The following SDCBP2 variants were observed in gnomAD, a reference collection of about 807,000 sequenced individuals.
SDCBP2 encodes syndecan binding protein 2.
SDCBP2 carries 28 observed loss-of-function variants against 30.7 expected under a neutral mutation model. The observed-to-expected ratio is 0.91, with a 90% CI of 0.68 to 1.25. The LOEUF (loss-of-function observed/expected upper bound fraction) is 1.25. Among genes scored for constraint, SDCBP2 ranks in the 50% most tolerant of loss-of-function variants. SDCBP2 has a pLI of 0.00. For missense variants in SDCBP2, 399 were observed against 379.0 expected, an observed-to-expected ratio of 1.05 and a Z score of -0.44; for synonymous variants, 166 against 157.3, an observed-to-expected ratio of 1.06 and a Z score of -0.41.
At chr20:1,312,260 TG>T in intron 7 of SDCBP2, 76 bp downstream of exon 7, 1 of 1,436,068 alleles carries the variant, frequency 7.0e-7, no homozygotes, top group Non-Finnish European at 9.5e-7. Flanking sequence ...GAGGCTCAGG[TG>T]GGGTAAGCAA....
At position 1,318,029 on chromosome 20, in the gene SDCBP2, G is replaced by A. The variant is rs139837552; in HGVS notation, c.225+289C>T. On this transcript the variant is annotated intron_variant, in intron 4 of 8. Coordinates refer to ENST00000360779, the MANE Select transcript of SDCBP2 (RefSeq NM_080489.5). Reference sequence around the variant, plus strand: ...CTGCTTTTGATGTCCCCAGGTTCACGCTGGGCTTAATGACCTCCCTTCTCA... The same window carrying A: ...CTGCTTTTGATGTCCCCAGGTTCACACTGGGCTTAATGACCTCCCTTCTCA... 8.8e-3 allele frequency: 4,026 copies of A among 458,436 alleles called. 35 individuals carry two copies. The highest frequency in any genetic ancestry group is 0.022 in the Middle Eastern group (50 of 2,324). The allele number at this position is 458,436 out of a possible 1,614,324, so 28.4% of individuals were successfully genotyped here.
rs183570405 is a variant in SDCBP2, at chr20:1,312,596, A to T, written c.551T>A (p.Val184Asp). 2 of 1,613,694 alleles carry T rather than the reference A, an allele frequency of 1.2e-6. No individual in the cohort carries two copies. Among genetic ancestry groups the T allele is most frequent in the Admixed American group, 1.7e-5 (1 of 59,994 alleles). The change falls in exon 6 of 9, where the codon GTT becomes GAT. Residue 184 changes from valine to aspartate, a missense_variant. Transcript: ENST00000360779. ...GGGCCTGGCTACTCACCTGTCCCGAACCACCACGACAATCTTATCGCCTGA... is the reference window on the plus strand; with the variant it reads ...GGGCCTGGCTACTCACCTGTCCCGATCCACCACGACAATCTTATCGCCTGA... ...KASGDKIVVV[V>D]RDRPFQRTVT...
intron 4 of SDCBP2, among the ~76,000 whole-genome samples, chr20:1,315,050 CA>C (rs2088756127): frequency 6.6e-6 from 1 of 152,156 alleles, no homozygotes; most frequent in African/African-American, 2.4e-5. Context: ...ATAGCTAAAA[CA>C]ATTCTGACAA....
rs938323480 is a variant in SDCBP2, at chr20:1,320,593, CCT to C, written c.-19-160_-19-159del. On this transcript the variant is annotated intron_variant, in intron 1 of 8. Transcript: ENST00000360779. The surrounding 1 kb of genome is among the most constrained non-coding windows in gnomAD (Gnocchi z 4.7). ...CCTCCCCGAACTCCACCCCTAATCC[CCT>C]GTCGATATTTGAACTCTACTGTATT... is the stretch of plus-strand genomic sequence containing the variant. The C allele has an allele frequency of 3.0e-5, 17 of 574,418 alleles. No homozygotes were observed. Among genetic ancestry groups the C allele is most frequent in the Non-Finnish European group, 5.0e-5 (16 of 320,154 alleles). 35.6% of individuals were successfully genotyped at this position (574,418 alleles called of 1,614,324 possible).
chr20:1,316,736 C>G (rs1359213873), intron 4 of SDCBP2, among the ~76,000 whole-genome samples: 1 of 152,130 alleles, frequency 6.6e-6, no homozygotes, highest in East Asian at 1.9e-4. Flanking sequence ...TACAGCCTAG[C>G]AATTGCACTT....
intron 1 of SDCBP2, among the ~76,000 whole-genome samples, chr20:1,326,464 T>C (rs2088927952): frequency 6.6e-6 from 1 of 152,248 alleles, no homozygotes; most frequent in Admixed American, 6.5e-5. Flanking sequence ...TACTTTAGGT[T>C]GAGTCCTAAA....
intron 1 of SDCBP2, chr20:1,322,016 G>T (rs2088856255): frequency 6.6e-6 from 1 of 152,152 alleles, no homozygotes; most frequent in African/African-American, 2.4e-5. Context: ...ATAGATATTT[G>T]TTTGCAACCC....
chr20:1,316,160 A>T (rs1266471901), intron 4 of SDCBP2, among the ~76,000 whole-genome samples: 1 of 152,116 alleles, frequency 6.6e-6, no homozygotes, highest in Non-Finnish European at 1.5e-5. Context: ...ATGAAGAAAC[A>T]TTTTACCGGA....
At chr20:1,310,642 T>C (rs1173582856) in intron 8 of SDCBP2, 147 bp from the exon 9 acceptor site, 1 of 1,010,798 alleles carries the variant, frequency 9.9e-7, no homozygotes, top group Non-Finnish European at 1.5e-6. Flanking sequence ...ACAAGCTACC[T>C]TGGAGGGAGG....
At chr20:1,312,883 C>T in intron 5 of SDCBP2, 121 bp from the exon 6 acceptor site, 2 of 1,114,552 alleles carry the variant, frequency 1.8e-6, no homozygotes, top group East Asian at 2.6e-5. Flanking sequence ...GGACACAGCT[C>T]TGCATGGCAG....
Position 1,310,797 on chromosome 20 carries a change from T to G in SDCBP2, c.824+3A>C. The G allele has an allele frequency of 2.5e-6, 4 of 1,610,956 alleles. No individual in the cohort carries two copies. Among genetic ancestry groups the G allele is most frequent in the Non-Finnish European group, 3.4e-6 (4 of 1,177,706 alleles). On this transcript the variant is annotated splice_donor_region_variant and intron_variant, in intron 8 of 8. Coordinates refer to ENST00000360779, the MANE Select transcript of SDCBP2 (RefSeq NM_080489.5). ...GGAGGGGTGAGGAGGGGTGCAGCCT[T>G]ACTTTTTGACCATGTGCTCGTAGAT... is the stretch of plus-strand genomic sequence containing the variant.
At chr20:1,327,406 G>C (rs192473848) in intron 1 of SDCBP2, among the ~76,000 whole-genome samples, 1 of 152,204 alleles carries the variant, frequency 6.6e-6, no homozygotes, top group Non-Finnish European at 1.5e-5. Context: ...GACAGTGCGC[G>C]GGAGGGAAGC....
At chr20:1,322,905 T>A (rs926084770) in intron 1 of SDCBP2, 1 of 152,168 alleles carries the variant, frequency 6.6e-6, no homozygotes, top group Non-Finnish European at 1.5e-5. Context: ...TGCCAATATT[T>A]AAAAATCTGG....
At chr20:1,312,277 C>G (rs2088684517) in intron 7 of SDCBP2, 60 bp downstream of exon 7, 3 of 1,554,726 alleles carry the variant, frequency 1.9e-6, no homozygotes, top group South Asian at 2.3e-5. Flanking sequence ...AGCAAGCTGC[C>G]CAAAGACCTG....
At chr20:1,323,938 C>T (rs1224554655) in intron 1 of SDCBP2, 1 of 152,094 alleles carries the variant, frequency 6.6e-6, no homozygotes, top group Non-Finnish European at 1.5e-5. Context: ...TAGCAGCTCA[C>T]AATATAATGG....
In SDCBP2 at chr20:1,319,577, C is replaced by A; in HGVS notation, c.124+13G>T. On this transcript the variant is annotated intron_variant, in intron 3 of 8. Coordinates refer to ENST00000360779, the MANE Select transcript of SDCBP2 (RefSeq NM_080489.5). ...ACTTGGCACCCAGGAGCCCCTCATCCCAGCCCACTCACCTGGTGGTGGGGA... is the reference window on the plus strand; with the variant it reads ...ACTTGGCACCCAGGAGCCCCTCATCACAGCCCACTCACCTGGTGGTGGGGA... The A allele has an allele frequency of 6.4e-7, 1 of 1,560,728 alleles. No individual in the cohort carries two copies.
In SDCBP2 at chr20:1,313,577, G is replaced by C; in HGVS notation, c.226-79C>G. The C allele has an allele frequency of 1.4e-6, 2 of 1,466,344 alleles. No homozygotes were observed. Among genetic ancestry groups the C allele is most frequent in the Non-Finnish European group, 1.8e-6 (2 of 1,109,936 alleles). The allele number at this position is 1,466,344 out of a possible 1,614,324, so 90.8% of individuals were successfully genotyped here. Reference sequence around the variant, plus strand: ...CAGGAGACACTGGGGTGGGGGTAGGGATGGGGAAAGGAGGATGGAGCCGTC... The same window carrying C: ...CAGGAGACACTGGGGTGGGGGTAGGCATGGGGAAAGGAGGATGGAGCCGTC... On this transcript the variant is annotated intron_variant, in intron 4 of 8. Transcript: ENST00000360779. This position sits in a 1 kb window ranked among gnomAD's most constrained non-coding sequence, Gnocchi z 5.2.
chr20:1,317,219 AGACACACT>A (rs780748148), intron 4 of SDCBP2, among the ~76,000 whole-genome samples: 10 of 152,178 alleles, frequency 6.6e-5, no homozygotes, highest in Non-Finnish European at 1.3e-4. Context: ...ATAGAACTAG[AGACACACT>A]GTACTCGCGT....
chr20:1,310,381 G>T lies in SDCBP2; in HGVS notation c.*60C>A. ...GGCTGCAACCCATCATCCGAGGGTG[G>T]TTGCCCTTTGCTGCAGGAGGGCGGG... On this transcript the variant is annotated 3_prime_UTR_variant, in exon 9 of 9. Coordinates refer to ENST00000360779, the MANE Select transcript of SDCBP2 (RefSeq NM_080489.5). 6.4e-7 allele frequency: 1 copy of T among 1,559,482 alleles called. No homozygotes were observed. The highest frequency in any genetic ancestry group is 8.8e-7 in the Non-Finnish European group (1 of 1,133,828).
Sources: allele counts gnomAD v4.1 joint callset (sites outside exome capture counted in the v4.1 genomes callset), GRCh38; gene constraint gnomAD v4.1.1; non-coding constraint Gnocchi (gnomAD v3.1); transcripts MANE v1.5; gene names NCBI Gene and HGNC (gene_info 2026-07-23, HGNC 2026-07-21).